ADAMTS3: variants seen among roughly 807,000 people sequenced by gnomAD.
The protein encoded by ADAMTS3 is ADAM metallopeptidase with thrombospondin type 1 motif 3, also known as A disintegrin and metalloproteinase with thrombospondin motifs 3.
ADAMTS3 carries 73 observed loss-of-function variants against 129.0 expected under a neutral mutation model. The observed-to-expected ratio is 0.57, with a 90% confidence interval of 0.47 to 0.69. The LOEUF is 0.69. ADAMTS3 is among the 30% of genes least tolerant of loss of function. The pLI, the probability that ADAMTS3 is intolerant of heterozygous loss-of-function variation, is 0.00. For missense variants in ADAMTS3, 1,457 were observed against 1,514.5 expected (o/e 0.96, Z 0.63); for synonymous variants, 477 against 510.8 (o/e 0.93, Z 0.89).
At chr4:72,544,318 A>G (rs2109782749) in intron 3 of ADAMTS3, among the ~76,000 whole-genome samples, 1 of 152,226 alleles carries the variant, frequency 6.6e-6, no homozygotes. Context: ...GACAACAGTA[A>G]AGTCTCCCTT....
Position 72,522,094 on chromosome 4 carries a change from G to T in ADAMTS3, c.504+26384C>A, listed in dbSNP as rs182762213. Among the ~76,000 whole-genome samples, 407 of 152,166 alleles carry T rather than the reference G, an allele frequency of 2.7e-3. 3 individuals are homozygous for T. Among genetic ancestry groups the T allele is most frequent in the African/African-American group, 9.5e-3 (396 of 41,528 alleles). On this transcript the variant is annotated intron_variant, in intron 3 of 21. Transcript: ENST00000286657. ...AATTGAGTTGGCAGGTTAAATTGTTGGCACTGATACAGTGAAAGAAGATGA... is the reference window on the plus strand; with the variant it reads ...AATTGAGTTGGCAGGTTAAATTGTTTGCACTGATACAGTGAAAGAAGATGA...
intron 4 of ADAMTS3, among the ~76,000 whole-genome samples, chr4:72,396,941 C>G (rs1300013201): frequency 1.3e-5 from 2 of 152,046 alleles, no homozygotes; most frequent in Non-Finnish European, 2.9e-5. Context: ...CAAGTTAAAG[C>G]AGCCCCCATA....
intron 5 of ADAMTS3, among the ~76,000 whole-genome samples, chr4:72,325,613 T>C (rs879782022): frequency 2.6e-5 from 4 of 152,128 alleles, no homozygotes; most frequent in Non-Finnish European, 4.4e-5. Flanking sequence ...GAAAGCAATG[T>C]TAGTAAATAA....
At chr4:72,348,439 G>C (rs1004567124) in intron 4 of ADAMTS3, among the ~76,000 whole-genome samples, 2 of 152,024 alleles carry the variant, frequency 1.3e-5, no homozygotes, top group Non-Finnish European at 2.9e-5. Context: ...AGATTTTTCA[G>C]AAAGAGGTTG....
chr4:72,407,653 G>A (rs1722082274), intron 4 of ADAMTS3, among the ~76,000 whole-genome samples: 1 of 152,086 alleles, frequency 6.6e-6, no homozygotes, highest in South Asian at 2.1e-4. Flanking sequence ...AGACAGTCCT[G>A]TGAGAAAGAA....
chr4:72,439,391 T>G (rs1374235711), intron 3 of ADAMTS3, among the ~76,000 whole-genome samples: 1 of 151,670 alleles, frequency 6.6e-6, no homozygotes, highest in Admixed American at 6.6e-5. Flanking sequence ...AAGCCACATG[T>G]TTTCCCTCCA....
intron 4 of ADAMTS3, among the ~76,000 whole-genome samples, chr4:72,356,464 T>C (rs1720584674): frequency 6.6e-6 from 1 of 151,938 alleles, no homozygotes; most frequent in South Asian, 2.1e-4. Context: ...CTAGTTGTTA[T>C]AATGTTTTTG....
chr4:72,306,481 G>T (rs1719093142), intron 15 of ADAMTS3, among the ~76,000 whole-genome samples: 1 of 151,882 alleles, frequency 6.6e-6, no homozygotes, highest in Non-Finnish European at 1.5e-5. Context: ...TATGTTATCT[G>T]CTTACATGTT....
chr4:72,492,842 C>A (rs1402813252), intron 3 of ADAMTS3, among the ~76,000 whole-genome samples: 2 of 151,714 alleles, frequency 1.3e-5, no homozygotes, highest in Admixed American at 6.6e-5. Context: ...TCAATTTCTG[C>A]CTTCAGATCT....
At chr4:72,461,766 G>A (rs1037544970) in intron 3 of ADAMTS3, among the ~76,000 whole-genome samples, 1 of 151,750 alleles carries the variant, frequency 6.6e-6, no homozygotes, top group Non-Finnish European at 1.5e-5. Flanking sequence ...TCATTTACTT[G>A]GTATAAGTGA....
At chr4:72,536,160 CAACTCCGAAGATTCAAATAAGTGG>C (rs1721180434) in intron 3 of ADAMTS3, among the ~76,000 whole-genome samples, 1 of 152,074 alleles carries the variant, frequency 6.6e-6, no homozygotes, top group Non-Finnish European at 1.5e-5. Flanking sequence ...ATTTTTGTCT[CAACTCCGAAGATTCAAATAAGTGG>C]AACAATAACT....
chr4:72,476,556 T>A (rs976838352), intron 3 of ADAMTS3, among the ~76,000 whole-genome samples: 1 of 152,040 alleles, frequency 6.6e-6, no homozygotes, highest in Non-Finnish European at 1.5e-5. Context: ...AGAATTAACA[T>A]CAACTCTATA....
chr4:72,567,315 T>C, intron 2 of ADAMTS3, 59 bp downstream of exon 2: 1 of 1,539,890 alleles, frequency 6.5e-7, no homozygotes, highest in Non-Finnish European at 9.0e-7. Context: ...TTTGCTTAGC[T>C]CACTTCATTC....
chr4:72,520,830 C>T (rs1720649865), intron 3 of ADAMTS3, among the ~76,000 whole-genome samples: 1 of 152,054 alleles, frequency 6.6e-6, no homozygotes, highest in Non-Finnish European at 1.5e-5. Flanking sequence ...TCGGCTCGCG[C>T]ATGATGTGCT....
At chr4:72,374,248 G>T (rs1721084468) in intron 4 of ADAMTS3, among the ~76,000 whole-genome samples, 2 of 149,416 alleles carry the variant, frequency 1.3e-5, no homozygotes, top group South Asian at 4.2e-4. Flanking sequence ...TAAAAACTGA[G>T]TTGCATCCTG....
At chr4:72,319,282 T>C (rs1213545114) in intron 9 of ADAMTS3, 50 bp downstream of exon 9, 2 of 1,606,428 alleles carry the variant, frequency 1.2e-6, no homozygotes, top group East Asian at 2.2e-5. Flanking sequence ...CAGTTTCATG[T>C]CTGTAGGCTA....
chr4:72,401,261 G>A (rs998875324), intron 4 of ADAMTS3, among the ~76,000 whole-genome samples: 3 of 151,772 alleles, frequency 2.0e-5, no homozygotes, highest in African/African-American at 7.2e-5. Flanking sequence ...AGCAGTAAAT[G>A]ATACTATGTG....
chr4:72,458,255 G>C (rs1041402983), intron 3 of ADAMTS3, among the ~76,000 whole-genome samples: 2 of 151,678 alleles, frequency 1.3e-5, no homozygotes, highest in Non-Finnish European at 3.0e-5. Context: ...TAAGTTCATA[G>C]CAGCCAATCA....
At chr4:72,484,436 T>A (rs1438667976) in intron 3 of ADAMTS3, among the ~76,000 whole-genome samples, 1 of 152,184 alleles carries the variant, frequency 6.6e-6, no homozygotes, top group African/African-American at 2.4e-5. Flanking sequence ...ACAGCATACT[T>A]AAAGCAGGGT....
Sources: allele counts gnomAD v4.1 joint callset (sites outside exome capture counted in the v4.1 genomes callset), GRCh38; gene constraint gnomAD v4.1.1; transcripts MANE v1.5; gene names NCBI Gene and HGNC (gene_info 2026-07-23, HGNC 2026-07-21).